The following ABCB7 variants were observed in gnomAD, a reference collection of about 807,000 sequenced individuals.
ABCB7 encodes ATP binding cassette subfamily B member 7.
In ABCB7, 7 loss-of-function variants were observed where a neutral mutation model predicts 54.4. The observed-to-expected ratio is 0.13, with a 90% CI of 0.07 to 0.24. ABCB7 has a LOEUF of 0.24. ABCB7 is among the 10% of genes least tolerant of loss of function. The pLI is 1.00. For missense variants in ABCB7, 356 were observed against 570.4 expected, an observed-to-expected ratio of 0.62 and a Z score of 3.83; for synonymous variants, 218 against 207.1, an observed-to-expected ratio of 1.05 and a Z score of -0.45.
chrX:75,127,820 C>T (rs745956776), intron 1 of ABCB7, among the ~76,000 whole-genome samples: 13 of 111,473 alleles, frequency 1.2e-4, no homozygotes, highest in South Asian at 7.5e-4. Context: ...AAACAGAGAG[C>T]GAAATCATGA....
chrX:75,114,753 C>T lies in ABCB7; in HGVS notation c.246+1G>A, dbSNP rs61323727. 0.015 allele frequency: 17,691 copies of T among 1,195,007 alleles called. 118 individuals carry two copies. The highest frequency in any genetic ancestry group is 0.018 in the Non-Finnish European group (15,682 of 885,082). On this transcript the variant is annotated splice_donor_variant, in intron 2 of 15. Transcript: ENST00000373394. LOFTEE classifies it high-confidence loss of function. ...ATGTAGACATGTTTGCTCAATCTTA[C>T]CTTTGCAGCATCTAAGAACTGTCCT...
intron 1 of ABCB7, among the ~76,000 whole-genome samples, chrX:75,147,734 C>G (rs2082102271): frequency 8.9e-6 from 1 of 111,873 alleles, no homozygotes; most frequent in East Asian, 2.8e-4. Context: ...GGCTTAATAC[C>G]TGGGTGATAA....
intron 3 of ABCB7, among the ~76,000 whole-genome samples, chrX:75,105,810 C>T (rs1479828764): frequency 3.6e-5 from 4 of 111,378 alleles, no homozygotes; most frequent in Non-Finnish European, 7.6e-5. Flanking sequence ...AAAATACACA[C>T]ATAAATCAAT....
chrX:75,136,218 T>G (rs2082008048), intron 1 of ABCB7, among the ~76,000 whole-genome samples: 1 of 110,575 alleles, frequency 9.0e-6, no homozygotes, highest in Admixed American at 9.6e-5. Flanking sequence ...AAGCTGAGAG[T>G]CAAATCAAGA....
intron 1 of ABCB7, among the ~76,000 whole-genome samples, chrX:75,128,749 A>T (rs1336964792): frequency 1.8e-5 from 2 of 112,224 alleles, no homozygotes; most frequent in African/African-American, 6.5e-5. Flanking sequence ...AATTTACAAG[A>T]AAAAAACCAA....
At chrX:75,076,676 T>G in intron 4 of ABCB7, 22 bp from the exon 5 acceptor site, 1 of 1,188,772 alleles carries the variant, frequency 8.4e-7, no homozygotes, top group Non-Finnish European at 1.1e-6. Context: ...AAAACATCAA[T>G]TACCCATTAT....
rs919105721 is a variant in ABCB7, at chrX:75,051,407, C to T, written c.*1963G>A. Reference sequence around the variant, plus strand: ...TGAAAAATTTCTTAAAACTATAAACCAATAAAATATTAGGACCTTTTCTGA... The same window carrying T: ...TGAAAAATTTCTTAAAACTATAAACTAATAAAATATTAGGACCTTTTCTGA... On this transcript the variant is annotated 3_prime_UTR_variant, in exon 16 of 16. Transcript: ENST00000373394. 2 of 111,414 alleles carry T rather than the reference C, an allele frequency of 1.8e-5. No homozygotes were observed. Among genetic ancestry groups the T allele is most frequent in the East Asian group, 2.8e-4 (1 of 3,581 alleles). The allele number at this position is 111,414 out of a possible 1,213,427, so 9.2% of individuals were successfully genotyped here.
chrX:75,110,658 T>A (rs1289079653), intron 3 of ABCB7, among the ~76,000 whole-genome samples: 1 of 112,020 alleles, frequency 8.9e-6, no homozygotes, highest in Non-Finnish European at 1.9e-5. Context: ...ATTATTTGTG[T>A]CCTTATTAAG....
intron 3 of ABCB7, among the ~76,000 whole-genome samples, chrX:75,108,856 A>G (rs1001175652): frequency 5.4e-5 from 6 of 111,545 alleles, no homozygotes; most frequent in Non-Finnish European, 1.1e-4. Flanking sequence ...TTTCAAACAC[A>G]TGATGGGAAA....
intron 3 of ABCB7, among the ~76,000 whole-genome samples, chrX:75,103,285 G>C (rs1410038382): frequency 9.0e-6 from 1 of 111,174 alleles, no homozygotes; most frequent in Non-Finnish European, 1.9e-5. Flanking sequence ...ATCTTGAGTT[G>C]ATTTTTGTAC....
At chrX:75,085,276 A>C (rs780127014) in intron 4 of ABCB7, among the ~76,000 whole-genome samples, 3 of 112,596 alleles carry the variant, frequency 2.7e-5, no homozygotes, top group Non-Finnish European at 5.6e-5. Context: ...GAAAAGAAAC[A>C]AACTGGTATA....
In ABCB7 at chrX:75,069,434, G is replaced by A. The variant is rs747035724; in HGVS notation, c.1386C>T (p.Pro462=). Residue 462 remains proline, a synonymous_variant, in exon 11 of 16, where the codon CCC becomes CCT. Coordinates refer to ENST00000373394, the MANE Select transcript of ABCB7 (RefSeq NM_001271696.3). ...TAGCTGTCTGTGGTGTGATCTGAAG[G>A]GGAGATGCCATCACTTTGTCCTAGC... is the stretch of plus-strand genomic sequence containing the variant. ...TQIKDKVMAS[P]LQITPQTATV... 2.5e-6 allele frequency: 3 copies of A among 1,210,658 alleles called. No homozygotes were observed. Among genetic ancestry groups the A allele is most frequent in the South Asian group, 3.5e-5 (2 of 56,896 alleles).
At position 75,071,515 on chromosome X, in the gene ABCB7, C is replaced by G. The variant is rs751420864; in HGVS notation, c.1201G>C (p.Val401Leu). 7 of 1,209,026 alleles carry G rather than the reference C, an allele frequency of 5.8e-6. No individual in the cohort carries two copies. In the East Asian group the frequency reaches 1.8e-4, roughly 31 times the overall value. The change falls in exon 9 of 16, where the codon GTG becomes CTG. Residue 401 changes from valine to leucine, a missense_variant. Val to Leu is a conservative substitution (Grantham distance 32). This residue lies in a region of ABCB7 where 241 missense variants were observed against 470.9 expected (regional missense o/e 0.51). Coordinates refer to ENST00000373394, the MANE Select transcript of ABCB7 (RefSeq NM_001271696.3). ...AIMVLASQGI[V>L]AGTLTVGDLV... ...ATAGCCACAGACTCATTACCTGCCA[C>G]AATTCCCTGACTGGCGAGCACCATT...
chrX:75,118,201 T>C (rs1480189909), intron 1 of ABCB7, among the ~76,000 whole-genome samples: 1 of 111,706 alleles, frequency 9.0e-6, no homozygotes, highest in Non-Finnish European at 1.9e-5. Context: ...TGCTTTCTTT[T>C]GGTCTCTGCC....
intron 4 of ABCB7, among the ~76,000 whole-genome samples, chrX:75,087,144 T>C (rs2081504136): frequency 8.9e-6 from 1 of 111,867 alleles, no homozygotes; most frequent in African/African-American, 3.3e-5. Flanking sequence ...TACTACTCTG[T>C]CTATGGAGCA....
chrX:75,132,531 T>C (rs1009373283), intron 1 of ABCB7, among the ~76,000 whole-genome samples: 1 of 112,503 alleles, frequency 8.9e-6, no homozygotes, highest in African/African-American at 3.2e-5. Context: ...CCCAGACTTG[T>C]GGAGCACAGC....
chrX:75,057,911 A>G (rs933866950), intron 15 of ABCB7, among the ~76,000 whole-genome samples: 3 of 110,646 alleles, frequency 2.7e-5, no homozygotes, highest in Non-Finnish European at 5.7e-5. Flanking sequence ...CTGTGGTCCT[A>G]TCCTTTGGTA....
chrX:75,139,078 G>A (rs1450252674), intron 1 of ABCB7, among the ~76,000 whole-genome samples: 2 of 109,334 alleles, frequency 1.8e-5, no homozygotes, highest in Admixed American at 2.0e-4. Context: ...AAGACCTTAA[G>A]GTAATTCTGA....
rs368591533 is a variant in ABCB7 at position 75,156,210 on chromosome X, G to A, written c.63C>T (p.Arg21=). Residue 21 remains arginine, a synonymous_variant, in exon 1 of 16, where the codon CGC becomes CGT. Coordinates refer to ENST00000373394, the MANE Select transcript of ABCB7 (RefSeq NM_001271696.3). ...WAAAAAAFEK[R]RHSAILIRPL... ...GCCGGATCAGAATCGCGGAGTGCCG[G>A]CGCTTTTCGAAAGCAGCCGCCGCGG... 2 of 1,203,881 alleles carry A rather than the reference G, an allele frequency of 1.7e-6. No individual in the cohort carries two copies. Among genetic ancestry groups the A allele is most frequent in the African/African-American group, 1.8e-5 (1 of 57,119 alleles).
Sources: gnomAD v4.1 joint callset for allele counts (sites outside exome capture counted in the v4.1 genomes callset) on GRCh38, gnomAD v4.1.1 for gene constraint, gnomAD v4.1.1 regional missense constraint, MANE v1.5 for transcripts, NCBI Gene and HGNC (gene_info 2026-07-23, HGNC 2026-07-21) for gene names.